Variants in MPND observed in about 807,000 individuals in gnomAD.
MPND encodes MPN domain-containing protein.
Under a neutral mutation model 59.2 loss-of-function variants are expected in MPND, and 56 were observed. The ratio of observed to expected loss-of-function variants is 0.95; its 90% CI spans 0.76 to 1.18. MPND has a LOEUF of 1.18. MPND is among the 50% of genes most tolerant of loss of function. The pLI is 0.00. For synonymous variants in MPND, 323 were observed against 291.9 expected (o/e 1.11, Z -1.09); for missense variants, 671 against 676.0 (o/e 0.99, Z 0.08).
Position 4,358,140 on chromosome 19 carries a change from A to G in MPND, c.1294A>G (p.Ser432Gly), listed in dbSNP as rs1034637024. Residue 432 changes from serine to glycine, a missense_variant, in exon 11 of 13, where the codon AGC (serine) becomes GGC (glycine). Physicochemically the swap from Ser to Gly is moderately conservative, Grantham distance 56. Transcript: ENST00000599840. ...TGTGGAGATGGCCTACGTCCAGGAC[A>G]GCTTCCTGACCAATGACATCCTTCA... ...MDVEMAYVQD[S>G]FLTNDILHEM... is the part of the protein sequence containing the mutation. 14 of 1,551,454 alleles carry G rather than the reference A, an allele frequency of 9.0e-6. No homozygotes were observed. The highest frequency in any genetic ancestry group is 1.2e-5 in the Non-Finnish European group (14 of 1,146,950).
intron 4 of MPND, 108 bp downstream of exon 4, chr19:4,353,137 G>C: frequency 2.3e-6 from 2 of 869,164 alleles, no homozygotes; most frequent in Non-Finnish European, 3.1e-6. Context: ...CCCCAAGATG[G>C]AGACATGGAG....
chr19:4,355,405 A>T (rs1179079601), intron 8 of MPND, among the ~76,000 whole-genome samples: 1 of 143,386 alleles, frequency 7.0e-6, no homozygotes, highest in Non-Finnish European at 1.5e-5. Context: ...GTGCGATCTC[A>T]GCTCCCTGCA....
intron 8 of MPND, 75 bp downstream of exon 8, chr19:4,355,248 G>A: frequency 6.7e-7 from 1 of 1,484,210 alleles, no homozygotes; most frequent in Non-Finnish European, 9.3e-7. Context: ...ACTGCCCAGT[G>A]GCTGGCAGTG....
At chr19:4,354,001 A>C in intron 4 of MPND, 44 bp from the exon 5 acceptor site, 1 of 1,570,990 alleles carries the variant, frequency 6.4e-7, no homozygotes, top group Non-Finnish European at 8.7e-7. Context: ...AATTTGTTCT[A>C]ACTTGGGCTG....
chr19:4,355,059 G>T, intron 7 of MPND, 38 bp downstream of exon 7: 1 of 1,612,992 alleles, frequency 6.2e-7, no homozygotes, highest in South Asian at 1.1e-5. Context: ...GGCGTTGGAG[G>T]ACCGGGGTCA....
chr19:4,359,502 C>T (rs1972530178), intron 12 of MPND, among the ~76,000 whole-genome samples: 1 of 152,088 alleles, frequency 6.6e-6, no homozygotes, highest in Non-Finnish European at 1.5e-5. Context: ...GAGTGGCTCC[C>T]CTGCAGAGGG....
Position 4,355,119 on chromosome 19 carries a change from C to A in MPND, c.942C>A (p.Phe314Leu). Residue 314 changes from phenylalanine to leucine, a missense_variant, in exon 8 of 13, where the codon TTC becomes TTA. Transcript: ENST00000599840. ...NSQMLTVLRA[F>L]PCRSRLGDAE... Reference sequence around the variant, plus strand: ...CAGTGCTGACGGTGCTCAGAGCCTTCCCTTGTCGGAGCCGGCTCGGGGACG... The same window carrying A: ...CAGTGCTGACGGTGCTCAGAGCCTTACCTTGTCGGAGCCGGCTCGGGGACG... The A allele has an allele frequency of 6.2e-7, 1 of 1,613,842 alleles. No individual in the cohort carries two copies. Among genetic ancestry groups the A allele is most frequent in the South Asian group, 1.1e-5 (1 of 91,078 alleles).
chr19:4,355,755 C>T (rs1197068184), intron 8 of MPND, among the ~76,000 whole-genome samples: 1 of 151,176 alleles, frequency 6.6e-6, no homozygotes, highest in East Asian at 1.9e-4. Context: ...AGGGGTGAGC[C>T]ACCGTGCCTG....
At chr19:4,348,036 C>T (rs953552364) in intron 3 of MPND, among the ~76,000 whole-genome samples, 2 of 151,596 alleles carry the variant, frequency 1.3e-5, no homozygotes, top group African/African-American at 2.4e-5. Flanking sequence ...GGATTACAGG[C>T]GCCCACCACC....
At chr19:4,344,075 C>A in intron 2 of MPND, 81 bp downstream of exon 2, 3 of 1,063,652 alleles carry the variant, frequency 2.8e-6, no homozygotes, top group Non-Finnish European at 3.6e-6. Flanking sequence ...TGCTGCAGGA[C>A]AAGCTTCAGT....
At position 4,354,042 on chromosome 19, in the gene MPND, C is replaced by A; in HGVS notation, c.665-3C>A. ...GGACTGACCCTGCCTTTTTCTCTCC[C>A]AGAGGCCACAACCCCAGGGAAGCGG... On this transcript the variant is annotated splice_polypyrimidine_tract_variant and splice_region_variant and intron_variant, in intron 4 of 12. Coordinates refer to ENST00000599840, the MANE Select transcript of MPND (RefSeq NM_001300862.2). 1 of 1,612,138 alleles carries A rather than the reference C, an allele frequency of 6.2e-7. No homozygotes were observed. Among genetic ancestry groups the A allele is most frequent in the Non-Finnish European group, 8.5e-7 (1 of 1,178,466 alleles).
At chr19:4,345,116 C>G (rs994911742) in intron 2 of MPND, among the ~76,000 whole-genome samples, 1 of 137,850 alleles carries the variant, frequency 7.3e-6, no homozygotes, top group Non-Finnish European at 1.5e-5. Flanking sequence ...AGCATGATCT[C>G]GGCTCACTGC....
intron 3 of MPND, among the ~76,000 whole-genome samples, chr19:4,350,422 C>T (rs1972290557): frequency 1.3e-5 from 2 of 152,006 alleles, no homozygotes; most frequent in Admixed American, 6.6e-5. Context: ...CACAGGCGTT[C>T]TCTGGTGGCT....
chr19:4,351,590 C>T (rs968461924), intron 3 of MPND, among the ~76,000 whole-genome samples: 3 of 151,598 alleles, frequency 2.0e-5, no homozygotes, highest in African/African-American at 7.3e-5. Context: ...CGGCCGGGCA[C>T]GGTGGCTCAC....
intron 3 of MPND, among the ~76,000 whole-genome samples, chr19:4,351,739 A>G (rs1458036244): frequency 1.3e-5 from 2 of 151,580 alleles, no homozygotes; most frequent in Non-Finnish European, 2.9e-5. Flanking sequence ...GCACATGCCT[A>G]TAATCCCAGC....
intron 3 of MPND, among the ~76,000 whole-genome samples, chr19:4,351,777 A>T (rs1783193003): frequency 6.9e-6 from 1 of 145,170 alleles, no homozygotes; most frequent in Non-Finnish European, 1.5e-5. Context: ...CAGGAAAATC[A>T]CTTGAACCCG....
At chr19:4,352,585 G>A (rs1217321267) in intron 3 of MPND, among the ~76,000 whole-genome samples, 3 of 152,194 alleles carry the variant, frequency 2.0e-5, no homozygotes, top group Admixed American at 6.5e-5. Context: ...TCAGGAGGCT[G>A]AGGCAGGAGA....
At chr19:4,343,651 G>T in intron 1 of MPND, 51 bp downstream of exon 1, 2 of 1,203,498 alleles carry the variant, frequency 1.7e-6, no homozygotes, top group Non-Finnish European at 2.1e-6. Context: ...CTGCAGGGGC[G>T]CGGGGCTGCA....
At chr19:4,348,081 G>A (rs1367122620) in intron 3 of MPND, 1 of 150,368 alleles carries the variant, frequency 6.7e-6, no homozygotes, top group African/African-American at 2.5e-5. Context: ...TAGTAGAGAC[G>A]GGGTTTCACC....
Sources: gnomAD v4.1 joint callset for allele counts (sites outside exome capture counted in the v4.1 genomes callset) on GRCh38, gnomAD v4.1.1 for gene constraint, MANE v1.5 for transcripts, NCBI Gene and HGNC (gene_info 2026-07-23, HGNC 2026-07-21) for gene names.